The following CERS6 variants were observed in gnomAD, a reference collection of about 807,000 sequenced individuals.
The protein encoded by CERS6 is LAG1 homolog, ceramide synthase 6.
CERS6 carries 26 observed loss-of-function variants against 56.8 expected under a neutral mutation model. The ratio of observed to expected loss-of-function variants is 0.46; its 90% CI spans 0.34 to 0.63. The LOEUF is 0.63. CERS6 is among the 30% of genes least tolerant of loss of function. The probability of loss-of-function intolerance (pLI) is 0.01; values close to 1 mark genes in which losing one functional copy is unlikely to be tolerated. For synonymous variants in CERS6, 164 were observed against 173.3 expected, an observed-to-expected ratio of 0.95 and a Z score of 0.42; for missense variants, 415 against 467.5, an observed-to-expected ratio of 0.89 and a Z score of 1.04.
intron 6 of CERS6, among the ~76,000 whole-genome samples, chr2:168,697,155 G>C (rs188944240): frequency 6.6e-6 from 1 of 152,138 alleles, no homozygotes; most frequent in Non-Finnish European, 1.5e-5. Context: ...CTGGCAAAAA[G>C]CTATCTTTTC....
At chr2:168,566,525 A>G (rs1443831185) in intron 3 of CERS6, among the ~76,000 whole-genome samples, 1 of 152,216 alleles carries the variant, frequency 6.6e-6, no homozygotes, top group African/African-American at 2.4e-5. Context: ...TCATCATTGA[A>G]AAATGAATGG....
intron 1 of CERS6, among the ~76,000 whole-genome samples, chr2:168,493,902 C>A (rs1008825038): frequency 1.3e-5 from 2 of 151,436 alleles, no homozygotes; most frequent in Admixed American, 6.6e-5. Context: ...ACAATGATGA[C>A]AGGTGGAAGC....
intron 1 of CERS6, among the ~76,000 whole-genome samples, chr2:168,481,775 T>C (rs1250516816): frequency 6.6e-6 from 1 of 152,328 alleles, no homozygotes; most frequent in South Asian, 2.1e-4. Flanking sequence ...CAAATGTGGG[T>C]TTACTTATTG....
At chr2:168,682,226 G>C (rs1242014071) in intron 4 of CERS6, among the ~76,000 whole-genome samples, 2 of 152,058 alleles carry the variant, frequency 1.3e-5, no homozygotes, top group Non-Finnish European at 2.9e-5. Context: ...ACATAAACTT[G>C]ACTTTTTATT....
At chr2:168,644,184 G>A in intron 4 of CERS6, 1 of 950,608 alleles carries the variant, frequency 1.1e-6, no homozygotes, top group Non-Finnish European at 1.3e-6. Flanking sequence ...GAAAATAGAT[G>A]TCTAGGATTA....
chr2:168,695,436 A>C (rs967679986), intron 6 of CERS6, among the ~76,000 whole-genome samples: 1 of 152,116 alleles, frequency 6.6e-6, no homozygotes, highest in East Asian at 1.9e-4. Flanking sequence ...TTAATTCCCC[A>C]ATTGCAGGGT....
intron 1 of CERS6, among the ~76,000 whole-genome samples, chr2:168,520,885 A>G (rs552580445): frequency 3.5e-4 from 53 of 152,118 alleles, no homozygotes; most frequent in African/African-American, 1.2e-3. Context: ...CTGGGATTAC[A>G]GACGTGAGCC....
At chr2:168,495,293 C>T (rs1019256056) in intron 1 of CERS6, among the ~76,000 whole-genome samples, 5 of 152,170 alleles carry the variant, frequency 3.3e-5, no homozygotes, top group Non-Finnish European at 5.9e-5. Context: ...TACCATTCTC[C>T]GCTGAACCTG....
intron 4 of CERS6, among the ~76,000 whole-genome samples, chr2:168,685,675 G>A (rs1285428222): frequency 6.6e-6 from 1 of 152,080 alleles, no homozygotes; most frequent in African/African-American, 2.4e-5. Context: ...ATTCTTACGT[G>A]TGTGGTCAAA....
chr2:168,678,997 C>T (rs1237717783), intron 4 of CERS6, among the ~76,000 whole-genome samples: 3 of 152,050 alleles, frequency 2.0e-5, no homozygotes, highest in African/African-American at 7.2e-5. Flanking sequence ...TCCTATTTGG[C>T]CATGAAAAAG....
intron 3 of CERS6, among the ~76,000 whole-genome samples, chr2:168,589,233 C>CCTTCT (rs1449160189): frequency 6.6e-6 from 1 of 152,192 alleles, no homozygotes; most frequent in Non-Finnish European, 1.5e-5. Flanking sequence ...TTCCTTCCTT[C>CCTTCT]CTTCTCTCTT....
chr2:168,657,298 T>C (rs1024805560), intron 4 of CERS6, among the ~76,000 whole-genome samples: 12 of 152,178 alleles, frequency 7.9e-5, no homozygotes, highest in Admixed American at 4.6e-4. Flanking sequence ...AGGGTGCTGA[T>C]TGGTGTATTT....
chr2:168,498,436 C>G lies in CERS6; in HGVS notation c.170+41818C>G, dbSNP rs547104317. On this transcript the variant is annotated intron_variant, in intron 1 of 9. Transcript: ENST00000305747. ...AGAGCCTCTGGCAGAAACTGAAAAG[C>G]AATGCTTCCAAAGAGGGGCAAAAGG... Among the ~76,000 whole-genome samples, 166 of 152,178 alleles carry G rather than the reference C, an allele frequency of 1.1e-3. 1 individual carries two copies. Among genetic ancestry groups the G allele is most frequent in the African/African-American group, 3.8e-3 (157 of 41,516 alleles).
rs1322118715 is a variant in CERS6, at chr2:168,466,767, G to C, written c.170+10149G>C. ...ACTCCTGCCTTCTATTCCTACTTTT[G>C]CTTTTACTATTATAACTTAGAATTC... On this transcript the variant is annotated intron_variant, in intron 1 of 9. Coordinates refer to ENST00000305747, the MANE Select transcript of CERS6 (RefSeq NM_203463.3). Among the ~76,000 whole-genome samples the C allele has an allele frequency of 2.0e-5, 3 of 151,990 alleles. 1 individual carries two copies. In the South Asian group the frequency reaches 6.2e-4, roughly 32 times the overall value.
intron 1 of CERS6, among the ~76,000 whole-genome samples, chr2:168,524,407 G>T (rs974405072): frequency 1.3e-5 from 2 of 152,158 alleles, no homozygotes. Context: ...ATTGTGAAAG[G>T]AATGGAGCTA....
At chr2:168,640,536 G>T (rs1376291120) in intron 4 of CERS6, among the ~76,000 whole-genome samples, 2 of 152,202 alleles carry the variant, frequency 1.3e-5, no homozygotes, top group African/African-American at 4.8e-5. Flanking sequence ...ACCTTGTGGT[G>T]CCAAGGCTAT....
intron 5 of CERS6, among the ~76,000 whole-genome samples, chr2:168,694,674 A>G (rs1686597105): frequency 6.6e-6 from 1 of 152,098 alleles, no homozygotes; most frequent in African/African-American, 2.4e-5. Context: ...GATACTTGTG[A>G]CAAAGAATCA....
chr2:168,645,142 T>TATATATATATAGAGAG (rs753700977), intron 4 of CERS6, among the ~76,000 whole-genome samples: 1 of 12,746 alleles, frequency 7.8e-5, no homozygotes, highest in Non-Finnish European at 1.5e-4. Context: ...TATATATATA[T>TATATATATATAGAGAG]AGAGAGAGAG....
intron 9 of CERS6, chr2:168,766,287 AC>A (rs1268728464): frequency 6.3e-7 from 1 of 1,592,912 alleles, no homozygotes; most frequent in Non-Finnish European, 8.5e-7. Context: ...ACATTTTCTT[AC>A]TTGTTTGTTC....
Sources: gnomAD v4.1 joint callset for allele counts (sites outside exome capture counted in the v4.1 genomes callset) on GRCh38, gnomAD v4.1.1 for gene constraint, MANE v1.5 for transcripts, NCBI Gene and HGNC (gene_info 2026-07-23, HGNC 2026-07-21) for gene names.